PTBP3: variants seen among roughly 807,000 people sequenced by gnomAD.
PTBP3 encodes the protein polypyrimidine tract-binding protein 3.
Under a neutral mutation model 58.7 loss-of-function variants are expected in PTBP3, and 20 were observed. The observed-to-expected ratio is 0.34, with a 90% CI of 0.24 to 0.50. PTBP3 has a LOEUF of 0.50. Among genes scored for constraint, PTBP3 ranks in the 20% least tolerant of loss-of-function variants. The probability of loss-of-function intolerance (pLI) is 0.98; values close to 1 mark genes in which losing one functional copy is unlikely to be tolerated. For missense variants in PTBP3, 509 were observed against 637.2 expected (o/e 0.80, Z 2.17); for synonymous variants, 185 against 219.8 (o/e 0.84, Z 1.40).
chr9:112,268,911 T>TA (rs1382043615), intron 3 of PTBP3, among the ~76,000 whole-genome samples: 1 of 151,980 alleles, frequency 6.6e-6, no homozygotes, highest in Non-Finnish European at 1.5e-5. Flanking sequence ...ACAGTGAGGC[T>TA]AAGGCTGGGC....
intron 10 of PTBP3, among the ~76,000 whole-genome samples, chr9:112,230,815 C>T (rs1419752060): frequency 6.6e-6 from 1 of 152,156 alleles, no homozygotes; most frequent in Admixed American, 6.5e-5. Flanking sequence ...TATTTCTATG[C>T]TGTTCGAAAG....
upstream of PTBP3, among the ~76,000 whole-genome samples, chr9:112,337,240 G>A (rs1830584061): frequency 6.6e-6 from 1 of 152,152 alleles, no homozygotes. Context: ...GTGTTGGCCA[G>A]GCTGGTCTCA....
At chr9:112,302,127 C>T (rs1017504926) in intron 1 of PTBP3, among the ~76,000 whole-genome samples, 6 of 152,020 alleles carry the variant, frequency 3.9e-5, no homozygotes, top group African/African-American at 1.2e-4. Flanking sequence ...AGGAACATTA[C>T]AAAACGCAGA....
At chr9:112,353,868 G>A in the PTBP3 span, among the ~76,000 whole-genome samples, 2 of 151,918 alleles carry the variant, frequency 1.3e-5, no homozygotes, top group African/African-American at 4.8e-5. Flanking sequence ...TGAGGCAGGA[G>A]AATCACTTGA....
At chr9:112,256,874 T>A (rs1025208809) in intron 5 of PTBP3, among the ~76,000 whole-genome samples, 2 of 151,724 alleles carry the variant, frequency 1.3e-5, no homozygotes, top group African/African-American at 2.4e-5. Context: ...TTTTTCTTTT[T>A]AAAAAAATAC....
chr9:112,251,195 T>A, intron 6 of PTBP3, 92 bp from the exon 7 acceptor site: 1 of 1,089,500 alleles, frequency 9.2e-7, no homozygotes, highest in Non-Finnish European at 1.2e-6. Context: ...CAATCAGGTG[T>A]AAGGCAGAAA....
upstream of PTBP3, among the ~76,000 whole-genome samples, chr9:112,338,576 A>G (rs763203831): frequency 2.6e-5 from 4 of 152,342 alleles, no homozygotes; most frequent in Middle Eastern, 6.8e-3. Context: ...TCAAAGGCTT[A>G]AGCAAAATGG....
intron 2 of PTBP3, among the ~76,000 whole-genome samples, chr9:112,285,231 G>A (rs942463105): frequency 2.0e-5 from 3 of 152,166 alleles, no homozygotes; most frequent in East Asian, 1.9e-4. Context: ...TTATGTAAGC[G>A]ATTGGCAGTT....
the PTBP3 span, among the ~76,000 whole-genome samples, chr9:112,340,690 C>A: frequency 6.6e-6 from 1 of 151,944 alleles, no homozygotes; most frequent in South Asian, 2.1e-4. Flanking sequence ...TGAGACCAGC[C>A]TCAACATGGA....
rs74462111 is a variant in PTBP3 at position 112,240,420 on chromosome 9, C to T, written c.803-5523G>A. On this transcript the variant is annotated intron_variant, in intron 7 of 13. Transcript: ENST00000374257. ...TAATGGAACTGAAAAATTCCTATTG[C>T]CCAGTAATGTTATAGCCATTGTAAC... Among the ~76,000 whole-genome samples, 1,139 of 152,084 alleles carry T rather than the reference C, an allele frequency of 7.5e-3. 99 individuals carry two copies. In the East Asian group the frequency reaches 0.18, roughly 24 times the overall value.
the PTBP3 span, chr9:112,362,844 A>T: frequency 3.0e-6 from 1 of 329,224 alleles, no homozygotes; most frequent in Admixed American, 3.4e-5. Context: ...AACTGCGTTC[A>T]TAGAAGATTC....
At chr9:112,371,006 T>C in the PTBP3 span, among the ~76,000 whole-genome samples, 1 of 151,978 alleles carries the variant, frequency 6.6e-6, no homozygotes, top group Non-Finnish European at 1.5e-5. Flanking sequence ...TTAGCTCTAG[T>C]AGTTTTTTTT....
intron 1 of PTBP3, among the ~76,000 whole-genome samples, chr9:112,313,394 C>T (rs1391041069): frequency 6.6e-6 from 1 of 152,156 alleles, no homozygotes; most frequent in Non-Finnish European, 1.5e-5. Flanking sequence ...ATATTCATTT[C>T]TTCAATATTT....
chr9:112,298,058 C>G, intron 1 of PTBP3, 142 bp from the exon 2 acceptor site: 4 of 623,174 alleles, frequency 6.4e-6, no homozygotes, highest in Non-Finnish European at 1.1e-5. Context: ...ATCACAAAAT[C>G]AAATGAACTG....
intron 1 of PTBP3, among the ~76,000 whole-genome samples, chr9:112,302,708 C>G (rs1177080076): frequency 6.7e-6 from 1 of 150,080 alleles, no homozygotes. Context: ...CGTGTCTCAG[C>G]CTCCTGAGCA....
chr9:112,360,627 G>C, the PTBP3 span, among the ~76,000 whole-genome samples: 2 of 152,238 alleles, frequency 1.3e-5, no homozygotes, highest in African/African-American at 2.4e-5. Flanking sequence ...GTTGGCCTCT[G>C]ACCATCAATT....
intron 3 of PTBP3, among the ~76,000 whole-genome samples, chr9:112,269,504 G>A (rs1392258198): frequency 1.3e-5 from 2 of 152,114 alleles, no homozygotes; most frequent in Non-Finnish European, 2.9e-5. Flanking sequence ...ATATGTGATA[G>A]CAAGAAATGA....
chr9:112,262,907 T>C (rs189173152), intron 4 of PTBP3, among the ~76,000 whole-genome samples: 157 of 152,122 alleles, frequency 1.0e-3, no homozygotes, highest in African/African-American at 3.2e-3. Context: ...GGGGAAGAAA[T>C]ATGAAAGCAA....
intron 1 of PTBP3, among the ~76,000 whole-genome samples, chr9:112,303,786 C>T (rs1203350151): frequency 6.6e-6 from 1 of 151,876 alleles, no homozygotes; most frequent in Non-Finnish European, 1.5e-5. Context: ...ATCACTTGAA[C>T]CTGGGAGGCA....
Sources: allele counts gnomAD v4.1 joint callset (sites outside exome capture counted in the v4.1 genomes callset), GRCh38; gene constraint gnomAD v4.1.1; transcripts MANE v1.5; gene names NCBI Gene and HGNC (gene_info 2026-07-23, HGNC 2026-07-21).